BAIAP2: variants seen among roughly 807,000 people sequenced by gnomAD.
BAIAP2 encodes the protein BAR/IMD domain containing adaptor protein 2.
In BAIAP2, 18 loss-of-function variants were observed where a neutral mutation model predicts 63.0. The ratio of observed to expected loss-of-function variants is 0.29; its 90% CI spans 0.20 to 0.42. The LOEUF is 0.42. Ranked by LOEUF, BAIAP2 falls within the 10% of genes least tolerant of loss-of-function variation. The pLI is 1.00. For synonymous variants in BAIAP2, 386 were observed against 307.6 expected (o/e 1.25, Z -2.67); for missense variants, 610 against 734.3 (o/e 0.83, Z 1.96).
At chr17:81,070,831 G>GC (rs1463070349) in intron 3 of BAIAP2, among the ~76,000 whole-genome samples, 1 of 152,238 alleles carries the variant, frequency 6.6e-6, no homozygotes, top group Non-Finnish European at 1.5e-5. Flanking sequence ...GCCCGGGCAG[G>GC]CCTGAGGGTC....
chr17:81,058,014 A>T (rs2049917823), intron 3 of BAIAP2, 47 bp downstream of exon 3: 2 of 1,290,356 alleles, frequency 1.5e-6, no homozygotes, highest in South Asian at 2.5e-5. Context: ...TGATGCCCTC[A>T]GGCAGCTCTG....
At chr17:81,055,430 A>G (rs893236832) in intron 2 of BAIAP2, among the ~76,000 whole-genome samples, 7 of 152,010 alleles carry the variant, frequency 4.6e-5, no homozygotes, top group Non-Finnish European at 7.4e-5. Flanking sequence ...AGGGGCCCCC[A>G]TGGCTGCCCC....
chr17:81,037,025 C>G (rs1001281938), intron 1 of BAIAP2: 10 of 1,382,208 alleles, frequency 7.2e-6, no homozygotes, highest in Non-Finnish European at 9.9e-6. Flanking sequence ...ATAAAACTCT[C>G]CTAACCGGGC....
chr17:81,108,919 C>G, intron 13 of BAIAP2: 1 of 1,533,320 alleles, frequency 6.5e-7, no homozygotes, highest in African/African-American at 1.4e-5. Flanking sequence ...CCGCCTGTGG[C>G]TGGGCAGCGT....
At chr17:81,108,562 C>T (rs55879913) in intron 13 of BAIAP2, 53 bp downstream of exon 13, 173,322 of 1,609,012 alleles carry the variant, frequency 0.11, 10,361 homozygotes, top group South Asian at 0.15. Flanking sequence ...GTGAAGAGGC[C>T]GGGTGGGGCA....
At chr17:81,042,516 T>A (rs2047227232) in intron 1 of BAIAP2, among the ~76,000 whole-genome samples, 1 of 152,058 alleles carries the variant, frequency 6.6e-6, no homozygotes, top group Non-Finnish European at 1.5e-5. Flanking sequence ...CTTCGGATGG[T>A]CCTTATGTGT....
At chr17:81,072,841 C>T (rs898032720) in intron 3 of BAIAP2, among the ~76,000 whole-genome samples, 25 of 152,068 alleles carry the variant, frequency 1.6e-4, no homozygotes, top group Admixed American at 6.5e-5. Flanking sequence ...AACACACCCC[C>T]AGTCCTTGCT....
rs769953866 is a variant in BAIAP2 at position 81,103,693 on chromosome 17, G to A, written c.834G>A (p.Pro278=). 2.4e-5 allele frequency: 39 copies of A among 1,593,732 alleles called. No individual in the cohort carries two copies. The East Asian group carries it at 4.5e-4, about 18-fold the overall frequency. The stretch of plus-strand genomic sequence containing the variant: ...CCATTCCGGGGGCCAAGCCCCTGCC[G>A]GTGCCCCCCGAGCTGGCACCGTTCG... ...SDPIPGAKPL[P]VPPELAPFVG... Residue 278 remains proline (P), a synonymous_variant, in exon 8 of 14, where the codon CCG becomes CCA. Transcript: ENST00000428708.
chr17:81,071,128 G>A lies in BAIAP2; in HGVS notation c.217+13161G>A, dbSNP rs370513593. ...TTTTTTTTTCCCCCATTGGTTACCC[G>A]CTGGCCACATTCCATTTTTGCCTTT... On this transcript the variant is annotated intron_variant, in intron 3 of 13. Transcript: ENST00000428708. Among the ~76,000 whole-genome samples the A allele has an allele frequency of 6.7e-5, 10 of 150,106 alleles. No homozygotes were observed. The East Asian group carries it at 9.8e-4, about 15-fold the overall frequency.
chr17:81,082,367 G>A (rs751621791), intron 3 of BAIAP2, among the ~76,000 whole-genome samples: 2 of 152,178 alleles, frequency 1.3e-5, no homozygotes, highest in Non-Finnish European at 2.9e-5. Context: ...CTTTCCTCAC[G>A]CTGAATCCCT....
At chr17:81,107,069 C>T (rs1026322852) in intron 12 of BAIAP2, 162 bp downstream of exon 12, 40 of 876,874 alleles carry the variant, frequency 4.6e-5, no homozygotes, top group Non-Finnish European at 3.0e-5. Context: ...TGTGTACACA[C>T]CCCTGCTTCG....
rs149450875 is a variant in BAIAP2, at chr17:81,051,892, G to A, written c.55-1776G>A. Reference sequence around the variant, plus strand: ...TTTAGTAGAGATGGGGTCTTACCACGTTGCCCAGGCCGGTCTTGAACGCTT... The same window carrying A: ...TTTAGTAGAGATGGGGTCTTACCACATTGCCCAGGCCGGTCTTGAACGCTT... On this transcript the variant is annotated intron_variant, in intron 1 of 13. Coordinates refer to ENST00000428708, the MANE Select transcript of BAIAP2 (RefSeq NM_001144888.2). Among the ~76,000 whole-genome samples, 5 of 152,222 alleles carry A rather than the reference G, an allele frequency of 3.3e-5. No individual in the cohort carries two copies. The East Asian group carries it at 7.7e-4, about 24-fold the overall frequency.
At chr17:81,098,178 T>C (rs2057957620) in intron 6 of BAIAP2, 1 of 1,453,262 alleles carries the variant, frequency 6.9e-7, no homozygotes. Context: ...CACTTCCACC[T>C]ACAGCCCTGT....
chr17:81,110,886 T>C lies in BAIAP2; in HGVS notation c.1535+2377T>C, dbSNP rs779072246. The C allele has an allele frequency of 1.9e-6, 3 of 1,613,520 alleles. No homozygotes were observed. The African/African-American group carries it at 4.0e-5, about 22-fold the overall frequency. On this transcript the variant is annotated intron_variant, in intron 13 of 13. Coordinates refer to ENST00000428708, the MANE Select transcript of BAIAP2 (RefSeq NM_001144888.2). Reference sequence around the variant, plus strand: ...CCGAGTCCTCAGACCCCATGCTGCCTCCAACTGAGCCTTGTGTTTCCTTGC... The same window carrying C: ...CCGAGTCCTCAGACCCCATGCTGCCCCCAACTGAGCCTTGTGTTTCCTTGC...
chr17:81,072,599 C>T (rs2052893563), intron 3 of BAIAP2, among the ~76,000 whole-genome samples: 1 of 152,212 alleles, frequency 6.6e-6, no homozygotes, highest in South Asian at 2.1e-4. Context: ...GCTAACCCTC[C>T]TGGGAGAGCT....
At chr17:81,085,224 T>C in intron 4 of BAIAP2, 1 of 502,564 alleles carries the variant, frequency 2.0e-6, no homozygotes, top group Admixed American at 3.3e-5. Context: ...CCTCTCCGAC[T>C]GTAGGCAGAG....
intron 13 of BAIAP2, chr17:81,110,307 C>T (rs1273499944): frequency 5.0e-5 from 49 of 986,262 alleles, no homozygotes; most frequent in Non-Finnish European, 5.1e-5. Flanking sequence ...GAGACCCTTC[C>T]GCGCCGGCGT....
At chr17:81,041,731 C>T (rs986530369) in intron 1 of BAIAP2, among the ~76,000 whole-genome samples, 21 of 152,050 alleles carry the variant, frequency 1.4e-4, no homozygotes, top group Non-Finnish European at 2.2e-4. Flanking sequence ...TGCGCCACCA[C>T]GCCTGGCTAA....
At chr17:81,110,932 C>T in intron 13 of BAIAP2, 1 of 1,613,926 alleles carries the variant, frequency 6.2e-7, no homozygotes, top group Non-Finnish European at 8.5e-7. Flanking sequence ...TGGAAGTGGC[C>T]AGATTCTGAG....
Sources: gnomAD v4.1 joint callset for allele counts (sites outside exome capture counted in the v4.1 genomes callset) on GRCh38, gnomAD v4.1.1 for gene constraint, MANE v1.5 for transcripts, NCBI Gene and HGNC (gene_info 2026-07-23, HGNC 2026-07-21) for gene names.